The following PIGF variants were observed in gnomAD, a reference collection of about 807,000 sequenced individuals.
The protein encoded by PIGF is phosphatidylinositol glycan anchor biosynthesis class F.
In PIGF, 23 loss-of-function variants were observed where a neutral mutation model predicts 26.0. That is an observed-to-expected ratio of 0.88 (90% CI 0.64 to 1.25). The LOEUF is 1.25. Ranked by LOEUF, PIGF falls within the 50% of genes most tolerant of loss-of-function variation. The pLI, the probability that PIGF is intolerant of heterozygous loss-of-function variation, is 0.00. For missense variants in PIGF, 278 were observed against 249.9 expected, an observed-to-expected ratio of 1.11 and a Z score of -0.76; for synonymous variants, 93 against 92.6, an observed-to-expected ratio of 1.00 and a Z score of -0.03.
At chr2:46,607,258 C>T (rs1469624877) in intron 4 of PIGF, among the ~76,000 whole-genome samples, 1 of 152,196 alleles carries the variant, frequency 6.6e-6, no homozygotes, top group Non-Finnish European at 1.5e-5. Context: ...ACAACCATCT[C>T]ATCACTTCGC....
chr2:46,606,524 G>A (rs897511837), intron 4 of PIGF, among the ~76,000 whole-genome samples: 2 of 152,084 alleles, frequency 1.3e-5, no homozygotes, highest in African/African-American at 2.4e-5. Flanking sequence ...AGGATATTTA[G>A]GTAATTTTCA....
intron 1 of PIGF, chr2:46,615,421 A>G (rs1487855892): frequency 3.2e-6 from 1 of 315,290 alleles, no homozygotes; most frequent in East Asian, 6.3e-5. Context: ...CAAATTTACT[A>G]ATTTCTTAAA....
At chr2:46,613,873 C>G in intron 2 of PIGF, 88 bp from the exon 3 acceptor site, 10 of 1,119,200 alleles carry the variant, frequency 8.9e-6, no homozygotes, top group Non-Finnish European at 1.3e-5. Context: ...ACAACTTGTT[C>G]CCATAATGTG....
At chr2:46,611,008 G>C (rs367823668) in intron 4 of PIGF, among the ~76,000 whole-genome samples, 2 of 151,838 alleles carry the variant, frequency 1.3e-5, no homozygotes, top group East Asian at 3.9e-4. Context: ...CTTCCTTCTT[G>C]GTCTCACCAA....
Position 46,613,752 on chromosome 2 carries a change from G to T in PIGF, c.262C>A (p.Leu88Ile). The T allele has an allele frequency of 6.4e-7, 1 of 1,551,126 alleles. No individual in the cohort carries two copies. The highest frequency in any genetic ancestry group is 1.1e-5 in the South Asian group (1 of 87,652). The change falls in exon 3 of 6, where the codon CTT becomes ATT. Residue 88 changes from leucine (L) to isoleucine (I), a missense_variant. Transcript: ENST00000281382. ...TGFLKCCIYF[L>I]MSCFSFHVIF... ...ACATGAAAGGAGAAACAAGACATAA[G>T]AAAGTAGATACAGCATTTCAAAAAT...
intron 1 of PIGF, chr2:46,615,640 A>G (rs2104153901): frequency 6.4e-6 from 1 of 156,854 alleles, no homozygotes; most frequent in East Asian, 1.9e-4. Context: ...CTTAGGCTGA[A>G]TTGTTGGTAT....
chr2:46,585,956 A>T (rs1669558747), intron 5 of PIGF, among the ~76,000 whole-genome samples: 1 of 152,106 alleles, frequency 6.6e-6, no homozygotes, highest in South Asian at 2.1e-4. Context: ...TTGTATTTTT[A>T]GTAGAGACAG....
At chr2:46,613,582 T>C (rs1014206919) in intron 3 of PIGF, 112 bp downstream of exon 3, 16 of 693,568 alleles carry the variant, frequency 2.3e-5, no homozygotes, top group Admixed American at 3.6e-5. Flanking sequence ...TGTCCTTACT[T>C]GATCTATTAA....
intron 1 of PIGF, chr2:46,616,000 AG>A (rs374734079): frequency 7.9e-5 from 12 of 152,002 alleles, no homozygotes; most frequent in African/African-American, 2.9e-4. Flanking sequence ...AGAATATTCC[AG>A]AAAATAGAAA....
chr2:46,596,864 T>C (rs1166173919), intron 4 of PIGF, among the ~76,000 whole-genome samples: 1 of 152,198 alleles, frequency 6.6e-6, no homozygotes, highest in African/African-American at 2.4e-5. Flanking sequence ...TTATGATGAT[T>C]ATAAAACTGC....
intron 4 of PIGF, among the ~76,000 whole-genome samples, chr2:46,594,487 C>T (rs1031008534): frequency 2.0e-5 from 3 of 151,610 alleles, no homozygotes; most frequent in Admixed American, 6.6e-5. Context: ...TTGCTAGAGG[C>T]CACGTGGAAG....
At chr2:46,605,771 G>A (rs1295671222) in intron 4 of PIGF, among the ~76,000 whole-genome samples, 1 of 152,068 alleles carries the variant, frequency 6.6e-6, no homozygotes, top group African/African-American at 2.4e-5. Flanking sequence ...CCTGGCTACA[G>A]AACTGGGGCA....
intron 4 of PIGF, among the ~76,000 whole-genome samples, chr2:46,601,216 T>C (rs143747725): frequency 6.6e-6 from 1 of 152,226 alleles, no homozygotes; most frequent in Non-Finnish European, 1.5e-5. Context: ...AAGGAATATA[T>C]GCACAGTCAA....
chr2:46,588,255 TAGATAAA>T lies in PIGF; in HGVS notation c.546+4213_546+4219del, dbSNP rs1186581296. 1 of 1,569,246 alleles carries T rather than the reference TAGATAAA, an allele frequency of 6.4e-7. No homozygotes were observed. The highest frequency in any genetic ancestry group is 1.4e-5 in the African/African-American group (1 of 72,934). On this transcript the variant is annotated intron_variant, in intron 5 of 5. Transcript: ENST00000281382. This position sits in a 1 kb window ranked among gnomAD's most constrained non-coding sequence, Gnocchi z 4.1. ...TTGGCATAACTAAATACCAGAGAAA[TAGATAAA>T]TTAACAGTCCACTCTACCAACTGAA... is the stretch of plus-strand genomic sequence containing the variant.
intron 4 of PIGF, among the ~76,000 whole-genome samples, chr2:46,603,103 C>T (rs1393251022): frequency 6.6e-6 from 1 of 151,892 alleles, no homozygotes; most frequent in East Asian, 1.9e-4. Context: ...AAAGTAATCC[C>T]ATTTATAACA....
intron 4 of PIGF, among the ~76,000 whole-genome samples, chr2:46,597,983 T>C (rs1008384684): frequency 1.3e-5 from 2 of 152,220 alleles, no homozygotes; most frequent in Non-Finnish European, 2.9e-5. Flanking sequence ...CTTAAAGACC[T>C]TGTTTGATCA....
intron 4 of PIGF, among the ~76,000 whole-genome samples, chr2:46,599,076 G>A (rs1669977752): frequency 6.6e-6 from 1 of 152,186 alleles, no homozygotes; most frequent in Non-Finnish European, 1.5e-5. Context: ...GGGGAAAGGG[G>A]CTAGGTGTAA....
In PIGF at chr2:46,588,070, C is replaced by G; in HGVS notation, c.546+4405G>C. ...TCTAGTGTATAAAATGGGAGTAAAACCTACCTTGCACTACGGTTGTCAGGA... is the reference window on the plus strand; with the variant it reads ...TCTAGTGTATAAAATGGGAGTAAAAGCTACCTTGCACTACGGTTGTCAGGA... On this transcript the variant is annotated intron_variant, in intron 5 of 5. Coordinates refer to ENST00000281382, the MANE Select transcript of PIGF (RefSeq NM_002643.4). The surrounding 1 kb of genome is among the most constrained non-coding windows in gnomAD (Gnocchi z 4.1). 1.3e-6 allele frequency: 2 copies of G among 1,562,210 alleles called. No individual in the cohort carries two copies. The highest frequency in any genetic ancestry group is 1.7e-6 in the Non-Finnish European group (2 of 1,153,244).
intron 4 of PIGF, among the ~76,000 whole-genome samples, chr2:46,598,242 A>T (rs1156318451): frequency 6.6e-6 from 1 of 151,244 alleles, no homozygotes; most frequent in African/African-American, 2.4e-5. Context: ...GTAAGTTTTT[A>T]AGTTATCTTC....
Sources: allele counts gnomAD v4.1 joint callset (sites outside exome capture counted in the v4.1 genomes callset), GRCh38; gene constraint gnomAD v4.1.1; non-coding constraint Gnocchi (gnomAD v3.1); transcripts MANE v1.5; gene names NCBI Gene and HGNC (gene_info 2026-07-23, HGNC 2026-07-21).